Variants in NLGN1 observed in about 807,000 individuals in gnomAD.
The protein encoded by NLGN1 is neuroligin 1.
Under a neutral mutation model 65.5 loss-of-function variants are expected in NLGN1, and 12 were observed. The ratio of observed to expected loss-of-function variants is 0.18; its 90% CI spans 0.12 to 0.30. The LOEUF is 0.30. NLGN1 is among the 10% of genes least tolerant of loss of function. The pLI, the probability that NLGN1 is intolerant of heterozygous loss-of-function variation, is 1.00. For missense variants in NLGN1, 750 were observed against 1,007.1 expected, an observed-to-expected ratio of 0.74 and a Z score of 3.46; for synonymous variants, 350 against 359.5, an observed-to-expected ratio of 0.97 and a Z score of 0.30.
At chr3:173,769,866 C>T (rs1023980378) in intron 3 of NLGN1, among the ~76,000 whole-genome samples, 12 of 152,142 alleles carry the variant, frequency 7.9e-5, no homozygotes, top group Non-Finnish European at 1.6e-4. Context: ...ACATTCTTCC[C>T]TTACCTTATC....
chr3:174,199,213 G>C (rs1263088638), intron 4 of NLGN1, among the ~76,000 whole-genome samples: 1 of 152,064 alleles, frequency 6.6e-6, no homozygotes, highest in African/African-American at 2.4e-5. Flanking sequence ...GCTACGCTGA[G>C]AGTATGCAAT....
At chr3:173,690,469 A>T (rs1387223284) in intron 3 of NLGN1, among the ~76,000 whole-genome samples, 1 of 152,110 alleles carries the variant, frequency 6.6e-6, no homozygotes, top group Non-Finnish European at 1.5e-5. Context: ...TTTTTCACAT[A>T]CTGCCTGAAT....
chr3:174,147,419 C>CTTTTTTTTTTTTTT lies in NLGN1; in HGVS notation c.647-127878_647-127865dup, dbSNP rs574298501. Reference sequence around the variant, plus strand: ...TGAATTTTTGTGTAATGGCTCATGGCTTTTTTTTTTTTTTTTTTTTTTTTT... The same window carrying CTTTTTTTTTTTTTT: ...TGAATTTTTGTGTAATGGCTCATGGCTTTTTTTTTTTTTTTTTTTTTTTTTTTTTTTTTTTTTTT... On this transcript the variant is annotated intron_variant, in intron 4 of 6. Transcript: ENST00000457714. Among the ~76,000 whole-genome samples, 3 of 36,260 alleles carry CTTTTTTTTTTTTTT rather than the reference C, an allele frequency of 8.3e-5. 1 individual carries two copies. The highest frequency in any genetic ancestry group is 6.9e-4 in the East Asian group (1 of 1,454). The allele number at this position is 36,260 out of a possible 152,430, so 23.8% of individuals were successfully genotyped here.
intron 4 of NLGN1, among the ~76,000 whole-genome samples, chr3:174,124,960 G>C (rs1718627676): frequency 6.6e-6 from 1 of 151,990 alleles, no homozygotes; most frequent in Admixed American, 6.6e-5. Context: ...GCCTGACTCA[G>C]GTGCAGGCTT....
At chr3:174,219,822 T>C (rs1357383243) in intron 4 of NLGN1, among the ~76,000 whole-genome samples, 1 of 152,162 alleles carries the variant, frequency 6.6e-6, no homozygotes, top group Non-Finnish European at 1.5e-5. Flanking sequence ...AGGGAATGTT[T>C]GGTTCAAGTA....
intron 4 of NLGN1, among the ~76,000 whole-genome samples, chr3:174,141,327 T>A (rs1344771219): frequency 6.6e-6 from 1 of 152,176 alleles, no homozygotes; most frequent in Non-Finnish European, 1.5e-5. Flanking sequence ...GTTGCTGAAG[T>A]GTTTCCTAAT....
At chr3:173,500,827 T>G (rs1000359257) in intron 2 of NLGN1, among the ~76,000 whole-genome samples, 4 of 152,098 alleles carry the variant, frequency 2.6e-5, no homozygotes, top group Non-Finnish European at 5.9e-5. Flanking sequence ...TCCCAAGATA[T>G]CCTGGGCTTA....
chr3:173,568,381 C>G (rs1247512142), intron 2 of NLGN1, among the ~76,000 whole-genome samples: 1 of 151,586 alleles, frequency 6.6e-6, no homozygotes, highest in Non-Finnish European at 1.5e-5. Flanking sequence ...TTACAGGTGC[C>G]CCCCACCAGG....
intron 4 of NLGN1, among the ~76,000 whole-genome samples, chr3:174,076,722 A>T (rs867417953): frequency 0.026 from 2,652 of 102,266 alleles, 38 homozygotes; most frequent in African/African-American, 0.077. Context: ...AGAGAGAGAG[A>T]GAGTGTGTGT....
chr3:173,711,486 A>T (rs111312439), intron 3 of NLGN1, among the ~76,000 whole-genome samples: 2,354 of 152,272 alleles, frequency 0.015, 67 homozygotes, highest in African/African-American at 0.054. Context: ...TTATAATATT[A>T]AATTGGTTTT....
chr3:174,236,462 A>C (rs1326690764), intron 4 of NLGN1, among the ~76,000 whole-genome samples: 3 of 152,064 alleles, frequency 2.0e-5, no homozygotes, highest in Admixed American at 1.3e-4. Context: ...CATCAGAGAC[A>C]TGTAAAGATT....
intron 3 of NLGN1, among the ~76,000 whole-genome samples, chr3:173,651,853 C>T (rs1257401022): frequency 3.3e-5 from 5 of 151,950 alleles, no homozygotes; most frequent in South Asian, 2.1e-4. Flanking sequence ...AGTGCAGTGG[C>T]GTGGTCTTGG....
chr3:174,159,085 C>T (rs1726017798), intron 4 of NLGN1, among the ~76,000 whole-genome samples: 1 of 151,634 alleles, frequency 6.6e-6, no homozygotes, highest in African/African-American at 2.4e-5. Flanking sequence ...CAGGAATAGC[C>T]AGGCTGCTAT....
At chr3:174,265,924 ATATATGTG>A (rs1201523701) in intron 4 of NLGN1, among the ~76,000 whole-genome samples, 2 of 130,176 alleles carry the variant, frequency 1.5e-5, no homozygotes, top group Non-Finnish European at 3.4e-5. Context: ...GTATATATGT[ATATATGTG>A]TATATATGTA....
At chr3:174,001,925 T>C (rs865999117) in intron 4 of NLGN1, among the ~76,000 whole-genome samples, 3 of 152,002 alleles carry the variant, frequency 2.0e-5, no homozygotes, top group Non-Finnish European at 2.9e-5. Context: ...CAAATGACCA[T>C]AGAGCTGCAC....
rs973653117 is a variant in NLGN1 at position 174,080,020 on chromosome 3, G to A, written c.647-195295G>A. On this transcript the variant is annotated intron_variant, in intron 4 of 6. Coordinates refer to ENST00000457714, the Ensembl canonical transcript of NLGN1. ...TTATCTATGTAACAAACCTGCACAC[G>A]TACCCCTGAACTTAGAGTTAAATAA... Among the ~76,000 whole-genome samples, 6 of 151,898 alleles carry A rather than the reference G, an allele frequency of 4.0e-5. No individual in the cohort carries two copies. The South Asian group carries it at 8.3e-4, about 21-fold the overall frequency.
intron 4 of NLGN1, among the ~76,000 whole-genome samples, chr3:173,863,334 T>C (rs1729515837): frequency 6.6e-6 from 1 of 152,214 alleles, no homozygotes; most frequent in Admixed American, 6.5e-5. Context: ...CAGAGTTCTC[T>C]AAAATGGATA....
intron 4 of NLGN1, among the ~76,000 whole-genome samples, chr3:174,026,498 G>A (rs888704763): frequency 6.6e-6 from 1 of 151,488 alleles, no homozygotes; most frequent in Non-Finnish European, 1.5e-5. Flanking sequence ...AATGATGAGT[G>A]AAAAAAAATA....
rs146893467 is a variant in NLGN1, at chr3:173,506,064, A to C, written c.-321+70986A>C. Reference sequence around the variant, plus strand: ...ATAAATCAACAAATATAATGAAAATATACATTTTTGCTTAGTGTTCCTGAT... The same window carrying C: ...ATAAATCAACAAATATAATGAAAATCTACATTTTTGCTTAGTGTTCCTGAT... On this transcript the variant is annotated intron_variant, in intron 2 of 6. Transcript: ENST00000457714. Among the ~76,000 whole-genome samples, 168 of 152,220 alleles carry C rather than the reference A, an allele frequency of 1.1e-3. 1 individual carries two copies. Among genetic ancestry groups the C allele is most frequent in the Non-Finnish European group, 2.2e-3 (148 of 68,002 alleles).
Sources: gnomAD v4.1 joint callset for allele counts (sites outside exome capture counted in the v4.1 genomes callset) on GRCh38, gnomAD v4.1.1 for gene constraint, MANE v1.5 for transcripts, NCBI Gene and HGNC (gene_info 2026-07-23, HGNC 2026-07-21) for gene names.